Variants in VTI1A observed in about 807,000 individuals in gnomAD.
VTI1A encodes the protein vesicle transport through interaction with t-SNAREs homolog 1A.
A neutral mutation model predicts 34.9 loss-of-function variants in VTI1A; 22 were observed. That is an observed-to-expected ratio of 0.63 (90% CI 0.45 to 0.90). The LOEUF (loss-of-function observed/expected upper bound fraction) is 0.90, where lower values mean the gene tolerates loss of function less well. VTI1A is among the 40% of genes least tolerant of loss of function. The pLI, the probability that VTI1A is intolerant of heterozygous loss-of-function variation, is 0.00. For synonymous variants in VTI1A, 87 were observed against 97.3 expected (o/e 0.89, Z 0.62); for missense variants, 268 against 275.6 (o/e 0.97, Z 0.20).
chr10:112,527,401 T>A, intron 4 of VTI1A: 1 of 342,026 alleles, frequency 2.9e-6, no homozygotes, highest in African/African-American at 2.1e-5. Context: ...TTCTTCTCTT[T>A]TCTTTATTAT....
chr10:112,630,776 G>A (rs966549326), intron 5 of VTI1A, among the ~76,000 whole-genome samples: 3 of 152,102 alleles, frequency 2.0e-5, no homozygotes, highest in African/African-American at 7.2e-5. Context: ...CTGGTTTATG[G>A]TATCCACCTC....
At chr10:112,761,360 G>A (rs1297034236) in intron 7 of VTI1A, among the ~76,000 whole-genome samples, 1 of 152,108 alleles carries the variant, frequency 6.6e-6, no homozygotes, top group African/African-American at 2.4e-5. Flanking sequence ...AACAGCCTTA[G>A]GATTACCCCT....
chr10:112,834,072 G>T, the VTI1A span, among the ~76,000 whole-genome samples: 11,569 of 152,114 alleles, frequency 0.076, 559 homozygotes, highest in South Asian at 0.14. Flanking sequence ...CTGCAAGTTG[G>T]TCATGATAAC....
chr10:112,590,500 C>A (rs1270380605), intron 5 of VTI1A, among the ~76,000 whole-genome samples: 1 of 151,642 alleles, frequency 6.6e-6, no homozygotes, highest in Non-Finnish European at 1.5e-5. Context: ...CAAGATTAGC[C>A]TAGCCAACAT....
chr10:112,706,591 G>C (rs76603971), intron 7 of VTI1A, among the ~76,000 whole-genome samples: 7 of 152,170 alleles, frequency 4.6e-5, no homozygotes, highest in Admixed American at 3.3e-4. Context: ...TTACCTGCAC[G>C]CATATTGGTC....
intron 5 of VTI1A, among the ~76,000 whole-genome samples, chr10:112,665,685 C>T (rs752325952): frequency 6.6e-6 from 1 of 152,122 alleles, no homozygotes; most frequent in African/African-American, 2.4e-5. Flanking sequence ...TTCCCCTCGG[C>T]GAACCTGATA....
chr10:112,816,190 C>T lies in VTI1A; in HGVS notation c.*807C>T, dbSNP rs755562641. On this transcript the variant is annotated 3_prime_UTR_variant, in exon 8 of 8. Coordinates refer to ENST00000393077, the MANE Select transcript of VTI1A (RefSeq NM_145206.4). ...CTGTGTAAGCATCTCTGTATCCTTT[C>T]GGTTTTAATATCTGCACTGCCAAAA... 1.4e-5 allele frequency: 3 copies of T among 217,384 alleles called. No individual in the cohort carries two copies. The highest frequency in any genetic ancestry group is 6.7e-5 in the African/African-American group (3 of 44,488). The allele number at this position is 217,384 out of a possible 1,614,324, so 13.5% of individuals were successfully genotyped here.
intron 3 of VTI1A, among the ~76,000 whole-genome samples, chr10:112,521,606 A>T (rs1564811199): frequency 6.6e-6 from 1 of 152,010 alleles, no homozygotes; most frequent in Non-Finnish European, 1.5e-5. Context: ...ATGCTCAGAA[A>T]ACTTAATTTG....
At chr10:112,733,895 G>A (rs1437143726) in intron 7 of VTI1A, among the ~76,000 whole-genome samples, 1 of 151,820 alleles carries the variant, frequency 6.6e-6, no homozygotes, top group African/African-American at 2.4e-5. Context: ...TGAGATTACA[G>A]GGGTGCACCA....
chr10:112,522,279 C>G (rs1012138697), intron 3 of VTI1A, among the ~76,000 whole-genome samples: 13 of 151,946 alleles, frequency 8.6e-5, no homozygotes, highest in African/African-American at 3.1e-4. Context: ...CATGTAGAAG[C>G]AATGGAAAAG....
intron 3 of VTI1A, among the ~76,000 whole-genome samples, chr10:112,488,448 CCTCTGTTATT>C (rs1564797322): frequency 6.6e-6 from 1 of 152,108 alleles, no homozygotes; most frequent in African/African-American, 2.4e-5. Flanking sequence ...GACTAAAATG[CCTCTGTTATT>C]CTTGGTTAAG....
intron 7 of VTI1A, among the ~76,000 whole-genome samples, chr10:112,747,801 T>C (rs562526648): frequency 6.6e-6 from 1 of 152,186 alleles, no homozygotes; most frequent in Non-Finnish European, 1.5e-5. Context: ...TGCTGCCCCT[T>C]TGGGGGCTGG....
the VTI1A span, chr10:112,825,049 A>C: frequency 4.6e-5 from 7 of 152,386 alleles, no homozygotes; most frequent in East Asian, 1.2e-3. Flanking sequence ...TGTGCCCAGA[A>C]GGGCCCCACG....
intron 5 of VTI1A, among the ~76,000 whole-genome samples, chr10:112,658,083 A>C (rs367942601): frequency 1.3e-5 from 2 of 151,804 alleles, no homozygotes; most frequent in Non-Finnish European, 2.9e-5. Context: ...TTGTTCTATT[A>C]CTTTATTTAT....
chr10:112,498,013 A>G (rs541444267), intron 3 of VTI1A, among the ~76,000 whole-genome samples: 2 of 152,310 alleles, frequency 1.3e-5, no homozygotes, highest in East Asian at 3.9e-4. Context: ...ATGGCATGAA[A>G]TATTATAATA....
chr10:112,452,432 G>T (rs1274150738), intron 1 of VTI1A, among the ~76,000 whole-genome samples: 1 of 152,046 alleles, frequency 6.6e-6, no homozygotes, highest in South Asian at 2.1e-4. Flanking sequence ...GCTGGGTGTA[G>T]TGGCACGTGC....
rs557911985 is a variant in VTI1A at position 112,733,641 on chromosome 10, C to G, written c.560+64643C>G. ...AGTCTGAGAAACAGCTGGGTCCTCT[C>G]CCTTCTCTCACTCCTATTGTCTAAT... is the stretch of plus-strand genomic sequence containing the variant. On this transcript the variant is annotated intron_variant, in intron 7 of 7. Transcript: ENST00000393077. 3.3e-5 allele frequency among the ~76,000 whole-genome samples: 5 copies of G among 152,268 alleles called. No homozygotes were observed. The East Asian group carries it at 9.6e-4, about 29-fold the overall frequency.
chr10:112,655,735 C>T (rs1221457907), intron 5 of VTI1A, among the ~76,000 whole-genome samples: 1 of 152,112 alleles, frequency 6.6e-6, no homozygotes, highest in Non-Finnish European at 1.5e-5. Flanking sequence ...AGATCTGTCC[C>T]AGGGCCAGGT....
chr10:112,771,315 A>C (rs1000535872), intron 7 of VTI1A, among the ~76,000 whole-genome samples: 2 of 152,240 alleles, frequency 1.3e-5, no homozygotes, highest in African/African-American at 4.8e-5. Flanking sequence ...TGTGCCCAGA[A>C]ATGAGTCAGT....
Sources: gnomAD v4.1 joint callset for allele counts (sites outside exome capture counted in the v4.1 genomes callset) on GRCh38, gnomAD v4.1.1 for gene constraint, MANE v1.5 for transcripts, NCBI Gene and HGNC (gene_info 2026-07-23, HGNC 2026-07-21) for gene names.